CDH13: variants seen among roughly 807,000 people sequenced by gnomAD.
CDH13 encodes cadherin-13.
In CDH13, 24 loss-of-function variants were observed where a neutral mutation model predicts 63.8. That is an observed-to-expected ratio of 0.38 (90% CI 0.27 to 0.53). The LOEUF (loss-of-function observed/expected upper bound fraction) is 0.53, where lower values mean the gene tolerates loss of function less well. Among genes scored for constraint, CDH13 ranks in the 20% least tolerant of loss-of-function variants. CDH13 has a pLI of 0.85. For missense variants in CDH13, 1,049 were observed against 903.1 expected (o/e 1.16, Z -2.07); for synonymous variants, 503 against 355.3 (o/e 1.42, Z -4.67).
Position 83,459,950 on chromosome 16 carries a change from T to G in CDH13, c.782-26527T>G, listed in dbSNP as rs527802452. On this transcript the variant is annotated intron_variant, in intron 6 of 13. Coordinates refer to ENST00000567109, the MANE Select transcript of CDH13 (RefSeq NM_001257.5). Reference sequence around the variant, plus strand: ...AGGTTCTTCCATGAGATGTGAGGGCTTAAAAGAAAAGGTAGAGATTGAAGA... The same window carrying G: ...AGGTTCTTCCATGAGATGTGAGGGCGTAAAAGAAAAGGTAGAGATTGAAGA... Among the ~76,000 whole-genome samples the G allele has an allele frequency of 1.3e-3, 193 of 152,294 alleles. 1 individual carries two copies. Among genetic ancestry groups the G allele is most frequent in the Non-Finnish European group, 8.8e-4 (60 of 68,028 alleles).
chr16:82,846,604 C>G (rs771908684), intron 1 of CDH13, among the ~76,000 whole-genome samples: 53 of 152,148 alleles, frequency 3.5e-4, no homozygotes, highest in Admixed American at 1.4e-3. Context: ...GTTAGTCTAG[C>G]CTGCGAATCT....
chr16:83,373,576 G>A (rs943995877), intron 6 of CDH13, among the ~76,000 whole-genome samples: 1 of 152,128 alleles, frequency 6.6e-6, no homozygotes, highest in East Asian at 1.9e-4. Context: ...GGCTGGAAAG[G>A]CCACCATGAT....
At chr16:83,794,443 C>T (rs1169674598) in intron 13 of CDH13, among the ~76,000 whole-genome samples, 1 of 152,032 alleles carries the variant, frequency 6.6e-6, no homozygotes, top group African/African-American at 2.4e-5. Context: ...GTCCCAGCTC[C>T]TCCGGAGACT....
intron 7 of CDH13, among the ~76,000 whole-genome samples, chr16:83,601,147 G>A (rs556202165): frequency 2.6e-5 from 4 of 152,174 alleles, no homozygotes; most frequent in Admixed American, 2.0e-4. Flanking sequence ...AGGAGATAGA[G>A]AAAGGCAATC....
rs142876893 is a variant in CDH13, at chr16:82,937,484, G to A, written c.157+79011G>A. On this transcript the variant is annotated intron_variant, in intron 2 of 13. Coordinates refer to ENST00000567109, the MANE Select transcript of CDH13 (RefSeq NM_001257.5). ...ACAGTCTAGCTGAATCACGAATTCC[G>A]TGAGAACAGAGTCAGCATTTGTATA... Among the ~76,000 whole-genome samples the A allele has an allele frequency of 1.9e-4, 29 of 152,086 alleles. No individual in the cohort carries two copies. The East Asian group carries it at 2.5e-3, about 13-fold the overall frequency.
At chr16:83,424,540 G>A (rs867851177) in intron 6 of CDH13, among the ~76,000 whole-genome samples, 5 of 152,198 alleles carry the variant, frequency 3.3e-5, no homozygotes, top group Middle Eastern at 6.8e-3. Context: ...GGTAATTCTG[G>A]ATGGAATATT....
chr16:83,044,540 C>A (rs1917605437), intron 3 of CDH13, among the ~76,000 whole-genome samples: 1 of 152,200 alleles, frequency 6.6e-6, no homozygotes, highest in Non-Finnish European at 1.5e-5. Flanking sequence ...ATGTAAATTT[C>A]TCCCAGGCCA....
intron 5 of CDH13, among the ~76,000 whole-genome samples, chr16:83,289,253 C>T (rs555464782): frequency 8.1e-4 from 124 of 152,324 alleles, no homozygotes; most frequent in African/African-American, 2.9e-3. Context: ...CTTTTGGCCT[C>T]TACAGCTTGA....
rs186484756 is a variant in CDH13, at chr16:83,441,154, G to A, written c.782-45323G>A. 4.3e-4 allele frequency among the ~76,000 whole-genome samples: 66 copies of A among 152,310 alleles called. 1 individual carries two copies. Among genetic ancestry groups the A allele is most frequent in the African/African-American group, 1.6e-3 (65 of 41,560 alleles). ...ATAATTAAATTATGGCACAGCCAGG[G>A]TCAGTAGTCATCTGGTCGACTGTGG... On this transcript the variant is annotated intron_variant, in intron 6 of 13. Coordinates refer to ENST00000567109, the MANE Select transcript of CDH13 (RefSeq NM_001257.5).
At chr16:83,626,263 A>G (rs931177521) in intron 8 of CDH13, among the ~76,000 whole-genome samples, 3 of 152,158 alleles carry the variant, frequency 2.0e-5, no homozygotes, top group Non-Finnish European at 4.4e-5. Context: ...GACCGGAGTC[A>G]ATGCTAGAGG....
At chr16:83,413,758 C>T (rs60992101) in intron 6 of CDH13, among the ~76,000 whole-genome samples, 1,533 of 152,126 alleles carry the variant, frequency 0.01, 14 homozygotes, top group African/African-American at 0.032. Context: ...GAGGCTGAGG[C>T]GAGAGGATCA....
chr16:82,765,307 G>A (rs1288687640), intron 1 of CDH13, among the ~76,000 whole-genome samples: 1 of 152,152 alleles, frequency 6.6e-6, no homozygotes, highest in East Asian at 1.9e-4. Flanking sequence ...AGCATTAAGG[G>A]ATTGCTCGTA....
At chr16:82,665,171 C>T (rs925242375) in intron 1 of CDH13, among the ~76,000 whole-genome samples, 1 of 152,124 alleles carries the variant, frequency 6.6e-6, no homozygotes, top group Non-Finnish European at 1.5e-5. Flanking sequence ...CCATTTAATG[C>T]CACATTTGCC....
intron 2 of CDH13, among the ~76,000 whole-genome samples, chr16:82,879,801 A>G (rs2040630038): frequency 7.4e-6 from 1 of 134,866 alleles, no homozygotes; most frequent in South Asian, 2.3e-4. Context: ...AAATATGAAT[A>G]TATATTATAT....
At chr16:83,330,942 G>C (rs994747498) in intron 5 of CDH13, among the ~76,000 whole-genome samples, 1 of 152,160 alleles carries the variant, frequency 6.6e-6, no homozygotes, top group Non-Finnish European at 1.5e-5. Context: ...TCTCTCTTTA[G>C]GCAAAATTTA....
At chr16:83,020,046 T>A (rs1385399406) in intron 2 of CDH13, among the ~76,000 whole-genome samples, 1 of 152,126 alleles carries the variant, frequency 6.6e-6, no homozygotes, top group East Asian at 1.9e-4. Context: ...GACAGCTACC[T>A]CACTAGGCAA....
At chr16:83,243,306 C>G (rs1227979034) in intron 5 of CDH13, among the ~76,000 whole-genome samples, 1 of 152,152 alleles carries the variant, frequency 6.6e-6, no homozygotes, top group African/African-American at 2.4e-5. Context: ...GCTGGAGAGG[C>G]CTCACGGCGA....
At chr16:82,678,802 G>A (rs1914222142) in intron 1 of CDH13, among the ~76,000 whole-genome samples, 1 of 152,194 alleles carries the variant, frequency 6.6e-6, no homozygotes, top group South Asian at 2.1e-4. Context: ...CTCTTAGGCA[G>A]TCTATCTCTT....
chr16:83,610,181 T>C (rs551298964), intron 8 of CDH13, among the ~76,000 whole-genome samples: 175 of 152,222 alleles, frequency 1.1e-3, no homozygotes, highest in Middle Eastern at 3.4e-3. Flanking sequence ...TGAACATTCA[T>C]GTAAAAGTCA....
Sources: allele counts gnomAD v4.1 joint callset (sites outside exome capture counted in the v4.1 genomes callset), GRCh38; gene constraint gnomAD v4.1.1; transcripts MANE v1.5; gene names NCBI Gene and HGNC (gene_info 2026-07-23, HGNC 2026-07-21).